DIP2B: variants seen among roughly 807,000 people sequenced by gnomAD.
DIP2B encodes DIP2 acetate--CoA ligase B (putative).
DIP2B carries 76 observed loss-of-function variants against 198.0 expected under a neutral mutation model. That is an observed-to-expected ratio of 0.38 (90% CI 0.32 to 0.46). The LOEUF (loss-of-function observed/expected upper bound fraction) is 0.46. Ranked by LOEUF, DIP2B falls within the 20% of genes least tolerant of loss-of-function variation. DIP2B has a pLI of 0.99. For synonymous variants in DIP2B, 701 were observed against 739.1 expected (o/e 0.95, Z 0.84); for missense variants, 1,559 against 1,978.4 (o/e 0.79, Z 4.02).
At chr12:50,582,710 C>T (rs1958736417) in intron 1 of DIP2B, among the ~76,000 whole-genome samples, 1 of 152,148 alleles carries the variant, frequency 6.6e-6, no homozygotes, top group African/African-American at 2.4e-5. Context: ...ATCTGTGCCC[C>T]ATCCACTTTT....
At chr12:50,668,562 A>G (rs1938796028) in intron 4 of DIP2B, among the ~76,000 whole-genome samples, 1 of 152,160 alleles carries the variant, frequency 6.6e-6, no homozygotes, top group Admixed American at 6.5e-5. Flanking sequence ...AATGAAACCC[A>G]TTTTCCATAA....
At chr12:50,731,839 T>C (rs1940048030) in intron 31 of DIP2B, among the ~76,000 whole-genome samples, 1 of 152,208 alleles carries the variant, frequency 6.6e-6, no homozygotes, top group Non-Finnish European at 1.5e-5. Context: ...AATACTTTTT[T>C]TTCCTAATAG....
At chr12:50,511,449 C>G (rs1016439054) in intron 1 of DIP2B, among the ~76,000 whole-genome samples, 5 of 151,536 alleles carry the variant, frequency 3.3e-5, no homozygotes, top group African/African-American at 1.2e-4. Context: ...ATGTCACTAC[C>G]GTCTGGCTAA....
chr12:50,671,247 C>A lies in DIP2B; in HGVS notation c.489C>A (p.Ala163=), dbSNP rs1938848041. ...SLRRQAALSA[A]LQQSLQNAES... ...GACGCCAAGCTGCGCTCTCTGCTGC[C>A]TTGCAACAGAGCTTACAGAATGCTG... Residue 163 remains alanine (A), a synonymous_variant, in exon 5 of 38, where the codon GCC becomes GCA. Transcript: ENST00000301180. 6.2e-7 allele frequency: 1 copy of A among 1,614,192 alleles called. No homozygotes were observed. Among genetic ancestry groups the A allele is most frequent in the East Asian group, 2.2e-5 (1 of 44,892 alleles).
intron 7 of DIP2B, among the ~76,000 whole-genome samples, chr12:50,677,246 G>A (rs1938961723): frequency 6.6e-6 from 1 of 152,130 alleles, no homozygotes; most frequent in African/African-American, 2.4e-5. Flanking sequence ...CCTTAGCGCT[G>A]AGTCTGTGTG....
rs34202995 is a variant in DIP2B at position 50,537,114 on chromosome 12, A to ATTTTTTTTTTTTTT, written c.100+31888_100+31901dup. 2.6e-3 allele frequency among the ~76,000 whole-genome samples: 83 copies of ATTTTTTTTTTTTTT among 32,226 alleles called. 18 individuals carry two copies. The highest frequency in any genetic ancestry group is 0.011 in the East Asian group (5 of 468). 21.1% of individuals were successfully genotyped at this position (32,226 alleles called of 152,430 possible). A position where few individuals can be genotyped will look rare whatever the true frequency, so the allele number is the denominator to read the frequency against. ...CAGATTGCTTGTTTATTATTCTCTA[A>ATTTTTTTTTTTTTT]TTTTTTTTTTTTTTTTTTTTTTTTT... On this transcript the variant is annotated intron_variant, in intron 1 of 37. Transcript: ENST00000301180.
chr12:50,554,199 A>C (rs1958449821), intron 1 of DIP2B, among the ~76,000 whole-genome samples: 1 of 151,764 alleles, frequency 6.6e-6, no homozygotes, highest in African/African-American at 2.4e-5. Flanking sequence ...TTTCTTCTTA[A>C]TTTTCAGTAC....
At chr12:50,575,967 A>G (rs1404778214) in intron 1 of DIP2B, among the ~76,000 whole-genome samples, 1 of 152,128 alleles carries the variant, frequency 6.6e-6, no homozygotes, top group African/African-American at 2.4e-5. Context: ...CATGTTGGCC[A>G]GGCTGGTCTC....
intron 3 of DIP2B, among the ~76,000 whole-genome samples, chr12:50,650,296 A>T (rs1171824560): frequency 1.3e-5 from 2 of 152,194 alleles, no homozygotes; most frequent in African/African-American, 4.8e-5. Flanking sequence ...ATGTAATTTT[A>T]AAAATGACAT....
Position 50,737,102 on chromosome 12 carries a change from C to T in DIP2B, c.4168C>T (p.Leu1390Phe). The T allele has an allele frequency of 6.2e-7, 1 of 1,613,708 alleles. No homozygotes were observed. Among genetic ancestry groups the T allele is most frequent in the Non-Finnish European group, 8.5e-7 (1 of 1,179,806 alleles). ...ETKGPVGDSH[L>F]GEIWVNSPHT... The stretch of plus-strand genomic sequence containing the variant: ...CAAAGGGCCGGTTGGAGACTCTCAC[C>T]TTGGAGAGGTTTGTAATAATTTTCA... The change falls in exon 35 of 38, where the codon CTT becomes TTT. Residue 1390 changes from leucine (L) to phenylalanine (F), a missense_variant. Transcript: ENST00000301180.
In DIP2B at chr12:50,648,703, C is replaced by G. The variant is rs112109704; in HGVS notation, c.301+7851C>G. 4.5e-3 allele frequency among the ~76,000 whole-genome samples: 671 copies of G among 149,780 alleles called. 8 individuals carry two copies. The highest frequency in any genetic ancestry group is 0.015 in the African/African-American group (629 of 40,692). ...TTTTGAGTTGGGTTGTTCTTCCCCC[C>G]CCCCTCCTTACTTGCAAGGGCTTTT... On this transcript the variant is annotated intron_variant, in intron 3 of 37. Coordinates refer to ENST00000301180, the MANE Select transcript of DIP2B (RefSeq NM_173602.3).
chr12:50,722,273 T>C (rs1939853462), intron 26 of DIP2B, among the ~76,000 whole-genome samples: 2 of 150,672 alleles, frequency 1.3e-5, no homozygotes, highest in South Asian at 4.2e-4. Context: ...TTTTATTTTA[T>C]TTTATTTTAT....
At chr12:50,621,488 C>T (rs1937810242) in intron 1 of DIP2B, among the ~76,000 whole-genome samples, 1 of 152,176 alleles carries the variant, frequency 6.6e-6, no homozygotes, top group Admixed American at 6.5e-5. Flanking sequence ...ATTATTCTCT[C>T]ACTGCCTCCA....
intron 23 of DIP2B, among the ~76,000 whole-genome samples, chr12:50,715,264 G>A (rs1204845134): frequency 6.6e-6 from 1 of 152,152 alleles, no homozygotes; most frequent in Non-Finnish European, 1.5e-5. Context: ...CTAAAACTCA[G>A]TGCCTTGAAG....
chr12:50,613,159 C>G (rs2139455732), intron 1 of DIP2B, among the ~76,000 whole-genome samples: 1 of 152,330 alleles, frequency 6.6e-6, no homozygotes, highest in African/African-American at 2.4e-5. Flanking sequence ...AGACCATCTG[C>G]TTTGAAGCTG....
chr12:50,696,959 T>C, intron 16 of DIP2B, 102 bp from the exon 17 acceptor site: 1 of 814,868 alleles, frequency 1.2e-6, no homozygotes, highest in Non-Finnish European at 2.0e-6. Flanking sequence ...CAATATGAGT[T>C]CTCATGAGAA....
In DIP2B at chr12:50,612,776, T is replaced by C. The variant is rs1331657983; in HGVS notation, c.101-13200T>C. On this transcript the variant is annotated intron_variant, in intron 1 of 37. Coordinates refer to ENST00000301180, the MANE Select transcript of DIP2B (RefSeq NM_173602.3). ...GTTATAGAAATTAGGCTGATAATAC[T>C]GCACAATTATTTATTCAACAGTATT... Among the ~76,000 whole-genome samples, 3 of 152,218 alleles carry C rather than the reference T, an allele frequency of 2.0e-5. No individual in the cohort carries two copies. In the East Asian group the frequency reaches 5.8e-4, roughly 29 times the overall value.
At chr12:50,617,333 T>C (rs1201689586) in intron 1 of DIP2B, among the ~76,000 whole-genome samples, 1 of 151,880 alleles carries the variant, frequency 6.6e-6, no homozygotes, top group Non-Finnish European at 1.5e-5. Flanking sequence ...TTTTTTGTAT[T>C]TTTAGTAGAG....
chr12:50,648,766 T>C (rs1178318913), intron 3 of DIP2B, among the ~76,000 whole-genome samples: 1 of 150,342 alleles, frequency 6.7e-6, no homozygotes, highest in African/African-American at 2.5e-5. Flanking sequence ...AATTGTACCA[T>C]AGGTATTTGC....
Sources: gnomAD v4.1 joint callset for allele counts (sites outside exome capture counted in the v4.1 genomes callset) on GRCh38, gnomAD v4.1.1 for gene constraint, MANE v1.5 for transcripts, NCBI Gene and HGNC (gene_info 2026-07-23, HGNC 2026-07-21) for gene names.